Variants in CAMTA1 observed in about 807,000 individuals in gnomAD.
CAMTA1 encodes calmodulin-binding transcription activator 1.
A neutral mutation model predicts 170.9 loss-of-function variants in CAMTA1; 27 were observed. The ratio of observed to expected loss-of-function variants is 0.16; its 90% CI spans 0.12 to 0.22. The LOEUF (loss-of-function observed/expected upper bound fraction) is 0.22. Among genes scored for constraint, CAMTA1 ranks in the 10% least tolerant of loss-of-function variants. The pLI, the probability that CAMTA1 is intolerant of heterozygous loss-of-function variation, is 1.00. For missense variants in CAMTA1, 1,619 were observed against 2,217.2 expected (o/e 0.73, Z 5.42); for synonymous variants, 833 against 891.5 (o/e 0.93, Z 1.17).
intron 5 of CAMTA1, among the ~76,000 whole-genome samples, chr1:7,448,450 C>T (rs1319804975): frequency 1.3e-5 from 2 of 152,326 alleles, no homozygotes; most frequent in South Asian, 2.1e-4. Context: ...GGCCGAGGCT[C>T]TCTGTGCTGT....
chr1:7,199,529 C>T (rs1656244783), intron 4 of CAMTA1, among the ~76,000 whole-genome samples: 1 of 152,228 alleles, frequency 6.6e-6, no homozygotes, highest in South Asian at 2.1e-4. Flanking sequence ...CAACCCCCTT[C>T]CCCTGTCCTT....
At chr1:7,323,366 C>T (rs536400321) in intron 5 of CAMTA1, among the ~76,000 whole-genome samples, 1 of 152,180 alleles carries the variant, frequency 6.6e-6, no homozygotes, top group African/African-American at 2.4e-5. Flanking sequence ...ATGTGGCTTG[C>T]TCCCCCATGG....
At chr1:7,058,437 T>C (rs1707705625) in intron 3 of CAMTA1, among the ~76,000 whole-genome samples, 1 of 152,180 alleles carries the variant, frequency 6.6e-6, no homozygotes, top group Admixed American at 6.5e-5. Context: ...TCTGGGCTGG[T>C]AGAAACCAGA....
At chr1:7,548,259 T>C (rs1183461032) in intron 6 of CAMTA1, among the ~76,000 whole-genome samples, 1 of 152,188 alleles carries the variant, frequency 6.6e-6, no homozygotes, top group Non-Finnish European at 1.5e-5. Flanking sequence ...GTCTACAGTT[T>C]CCAGCAGCTC....
chr1:7,066,383 T>C (rs900365705), intron 3 of CAMTA1, among the ~76,000 whole-genome samples: 86 of 152,340 alleles, frequency 5.6e-4, no homozygotes, highest in African/African-American at 2.0e-3. Flanking sequence ...TTTTGATTGA[T>C]AAACAGGGTG....
chr1:7,482,478 G>A lies in CAMTA1; in HGVS notation c.510+14577G>A, dbSNP rs1032437950. The stretch of plus-strand genomic sequence containing the variant: ...ACACCAGAATGGATGCGCTCTCCAC[G>A]CAGTGTGTCCCCACCTCCCTCCATC... On this transcript the variant is annotated intron_variant, in intron 6 of 22. Coordinates refer to ENST00000303635, the MANE Select transcript of CAMTA1 (RefSeq NM_015215.4). The surrounding 1 kb of genome is among the most constrained non-coding windows in gnomAD (Gnocchi z 4.2). Among the ~76,000 whole-genome samples, 1 of 152,112 alleles carries A rather than the reference G, an allele frequency of 6.6e-6. No individual in the cohort carries two copies. Among genetic ancestry groups the A allele is most frequent in the Non-Finnish European group, 1.5e-5 (1 of 68,016 alleles).
chr1:7,538,077 T>C (rs889397598), intron 6 of CAMTA1, among the ~76,000 whole-genome samples: 10 of 152,206 alleles, frequency 6.6e-5, no homozygotes. Context: ...TGCTCAAGCT[T>C]GGAGCCCTCA....
At chr1:7,110,090 C>T (rs1258619298) in intron 4 of CAMTA1, among the ~76,000 whole-genome samples, 3 of 152,154 alleles carry the variant, frequency 2.0e-5, no homozygotes, top group Non-Finnish European at 4.4e-5. Context: ...AGTGATTCAT[C>T]CTGTTCCTTC....
chr1:7,423,505 A>G (rs2091703573), intron 5 of CAMTA1, among the ~76,000 whole-genome samples: 1 of 150,954 alleles, frequency 6.6e-6, no homozygotes, highest in African/African-American at 2.4e-5. Context: ...CAGCACACAG[A>G]TAATGCCTGC....
chr1:6,990,382 A>G (rs907254059), intron 3 of CAMTA1, among the ~76,000 whole-genome samples: 2 of 152,182 alleles, frequency 1.3e-5, no homozygotes, highest in African/African-American at 2.4e-5. Flanking sequence ...ACAATTTGCT[A>G]TATTTGCTTT....
At chr1:7,556,480 C>T (rs2094879687) in intron 6 of CAMTA1, among the ~76,000 whole-genome samples, 1 of 152,214 alleles carries the variant, frequency 6.6e-6, no homozygotes, top group Non-Finnish European at 1.5e-5. Flanking sequence ...CTCACCCTTG[C>T]AAACTCTTCC....
At chr1:7,094,220 G>T (rs183367495) in intron 4 of CAMTA1, among the ~76,000 whole-genome samples, 4 of 152,244 alleles carry the variant, frequency 2.6e-5, no homozygotes, top group African/African-American at 9.6e-5. Flanking sequence ...GTTGTTCAAG[G>T]ACCTTCCTAA....
chr1:7,655,637 TACAC>T (rs59833898), intron 7 of CAMTA1, among the ~76,000 whole-genome samples: 5 of 149,192 alleles, frequency 3.4e-5, no homozygotes, highest in South Asian at 4.2e-4. Flanking sequence ...CACACACCTA[TACAC>T]ACACTACACA....
chr1:7,193,633 A>T (rs939792967), intron 4 of CAMTA1, among the ~76,000 whole-genome samples: 1 of 152,132 alleles, frequency 6.6e-6, no homozygotes, highest in African/African-American at 2.4e-5. Context: ...CCTTCCACTC[A>T]TGTGCCCACC....
chr1:6,881,663 A>G (rs564063684), intron 3 of CAMTA1, among the ~76,000 whole-genome samples: 4 of 152,186 alleles, frequency 2.6e-5, no homozygotes, highest in African/African-American at 4.8e-5. Flanking sequence ...CAGGAAAAAG[A>G]CATGACAGAA....
chr1:7,191,351 A>C (rs1339581042), intron 4 of CAMTA1, among the ~76,000 whole-genome samples: 2 of 152,242 alleles, frequency 1.3e-5, no homozygotes, highest in African/African-American at 2.4e-5. Flanking sequence ...CCCTCTGCAC[A>C]TGCACCATGC....
chr1:7,511,652 A>T (rs1003363845), intron 6 of CAMTA1, among the ~76,000 whole-genome samples: 1 of 152,140 alleles, frequency 6.6e-6, no homozygotes, highest in Admixed American at 6.5e-5. Context: ...TGACCAGTGT[A>T]TTCTGACCCC....
At chr1:7,027,678 C>T (rs1028111618) in intron 3 of CAMTA1, among the ~76,000 whole-genome samples, 13 of 152,102 alleles carry the variant, frequency 8.5e-5, no homozygotes, top group African/African-American at 2.7e-4. Context: ...AAAATTGGCA[C>T]GACCCCTCAT....
intron 6 of CAMTA1, among the ~76,000 whole-genome samples, chr1:7,589,483 T>C (rs980953243): frequency 1.3e-5 from 2 of 152,178 alleles, no homozygotes; most frequent in African/African-American, 4.8e-5. Flanking sequence ...GCAAATCCTC[T>C]TGGTGAGAGC....
Sources: allele counts gnomAD v4.1 joint callset (sites outside exome capture counted in the v4.1 genomes callset), GRCh38; gene constraint gnomAD v4.1.1; non-coding constraint Gnocchi (gnomAD v3.1); transcripts MANE v1.5; gene names NCBI Gene and HGNC (gene_info 2026-07-23, HGNC 2026-07-21).